The following ZNF385D variants were observed in gnomAD, a reference collection of about 807,000 sequenced individuals.
ZNF385D encodes zinc finger protein 659.
ZNF385D carries 15 observed loss-of-function variants against 35.8 expected under a neutral mutation model. That is an observed-to-expected ratio of 0.42 (90% CI 0.28 to 0.64). The LOEUF (loss-of-function observed/expected upper bound fraction) is 0.64. Among genes scored for constraint, ZNF385D ranks in the 30% least tolerant of loss-of-function variants. The pLI is 0.23. For missense variants in ZNF385D, 474 were observed against 494.6 expected (o/e 0.96, Z 0.39); for synonymous variants, 212 against 186.8 (o/e 1.13, Z -1.10).
At position 21,655,099 on chromosome 3, in the gene ZNF385D, G is replaced by C. The variant is rs145972377; in HGVS notation, c.165+9787C>G. 8.2e-3 allele frequency among the ~76,000 whole-genome samples: 1,242 copies of C among 151,776 alleles called. 18 individuals are homozygous for C. Among genetic ancestry groups the C allele is most frequent in the African/African-American group, 0.029 (1,208 of 41,344 alleles). The stretch of plus-strand genomic sequence containing the variant: ...CTTAAAGGGCAAAGAAATCACCTTG[G>C]GGAAGTGCAAAAAACAACAACAACA... On this transcript the variant is annotated intron_variant, in intron 2 of 7. Transcript: ENST00000281523.
intron 3 of ZNF385D, among the ~76,000 whole-genome samples, chr3:21,907,384 AT>A (rs1699734808): frequency 6.6e-6 from 1 of 152,140 alleles, no homozygotes; most frequent in Non-Finnish European, 1.5e-5. Context: ...ACCCTTCACA[AT>A]ATCTTTTTTT....
intron 2 of ZNF385D, among the ~76,000 whole-genome samples, chr3:22,307,284 A>G (rs939137658): frequency 3.9e-5 from 6 of 152,276 alleles, no homozygotes; most frequent in East Asian, 1.9e-4. Context: ...TAAGTCTGCA[A>G]TGATAGATTA....
chr3:22,129,990 CTGA>C (rs1703678480), intron 3 of ZNF385D, among the ~76,000 whole-genome samples: 1 of 152,106 alleles, frequency 6.6e-6, no homozygotes. Context: ...CTGGCTACTG[CTGA>C]TGTTTATTCA....
chr3:21,795,522 G>A (rs753942549), intron 3 of ZNF385D, among the ~76,000 whole-genome samples: 13 of 152,302 alleles, frequency 8.5e-5, no homozygotes, highest in East Asian at 5.8e-4. Context: ...TATGTCACCC[G>A]GGGAGAAAAC....
At chr3:21,762,946 C>T (rs757758263) in intron 3 of ZNF385D, among the ~76,000 whole-genome samples, 1 of 152,142 alleles carries the variant, frequency 6.6e-6, no homozygotes, top group Non-Finnish European at 1.5e-5. Context: ...CAGTGCTGAC[C>T]TAGAGCCCTC....
At chr3:22,316,733 T>A (rs537373167) in intron 2 of ZNF385D, among the ~76,000 whole-genome samples, 2 of 152,274 alleles carry the variant, frequency 1.3e-5, no homozygotes, top group East Asian at 3.9e-4. Context: ...AATTAAATAA[T>A]GTTTTGTCTA....
intron 2 of ZNF385D, among the ~76,000 whole-genome samples, chr3:22,213,177 G>A (rs556737503): frequency 2.6e-5 from 4 of 152,176 alleles, no homozygotes; most frequent in African/African-American, 4.8e-5. Context: ...TTATAATAAT[G>A]TCATAGTTTG....
intron 3 of ZNF385D, among the ~76,000 whole-genome samples, chr3:22,128,357 G>A (rs549919290): frequency 3.9e-5 from 6 of 151,964 alleles, no homozygotes; most frequent in South Asian, 4.2e-4. Flanking sequence ...ATTAAATTTC[G>A]TGAGGTACTC....
chr3:21,516,260 G>A (rs1243811579), intron 3 of ZNF385D, among the ~76,000 whole-genome samples: 3 of 152,142 alleles, frequency 2.0e-5, no homozygotes, highest in East Asian at 3.9e-4. Flanking sequence ...ACTGCAGTAC[G>A]ACGGTGTCAG....
In ZNF385D at chr3:22,029,106, C is replaced by T. The variant is rs561665256; in HGVS notation, c.325+139711G>A. On this transcript the variant is annotated intron_variant, in intron 3 of 5. Coordinates refer to the ZNF385D transcript ENST00000494108. ...GAGGTCTTAGTTCCAGAGGGAGGAA[C>T]GCTGCCACCAGGAGACACAACAATT... Among the ~76,000 whole-genome samples the T allele has an allele frequency of 9.9e-5, 15 of 152,186 alleles. No homozygotes were observed. In the South Asian group the frequency reaches 1.2e-3, roughly 13 times the overall value.
At chr3:21,754,801 A>G (rs569253160), upstream of ZNF385D, among the ~76,000 whole-genome samples, 35 of 152,308 alleles carry the variant, frequency 2.3e-4, no homozygotes, top group South Asian at 3.7e-3. Context: ...GTTCAATGCT[A>G]TATCTACAGT....
At chr3:22,081,199 A>T (rs995261984) in intron 3 of ZNF385D, among the ~76,000 whole-genome samples, 1 of 152,198 alleles carries the variant, frequency 6.6e-6, no homozygotes, top group African/African-American at 2.4e-5. Flanking sequence ...GTTAAATTAA[A>T]GCAACTTATT....
intron 1 of ZNF385D, among the ~76,000 whole-genome samples, chr3:21,712,848 G>A (rs1254389578): frequency 2.0e-5 from 3 of 152,118 alleles, no homozygotes; most frequent in South Asian, 4.2e-4. Context: ...TTTACTGTCA[G>A]TGAATTAATT....
intron 3 of ZNF385D, among the ~76,000 whole-genome samples, chr3:22,032,444 C>T (rs930553367): frequency 6.6e-6 from 1 of 152,180 alleles, no homozygotes; most frequent in Non-Finnish European, 1.5e-5. Flanking sequence ...ATCACTAGAA[C>T]AGCATGGAGG....
intron 3 of ZNF385D, among the ~76,000 whole-genome samples, chr3:21,955,601 CA>C (rs1559788688): frequency 2.9e-4 from 44 of 152,080 alleles, no homozygotes; most frequent in Non-Finnish European, 1.0e-4. Context: ...CCAAACCAAA[CA>C]AAAACTTGAA....
chr3:22,029,993 G>C (rs932446298), intron 3 of ZNF385D, among the ~76,000 whole-genome samples: 1 of 151,746 alleles, frequency 6.6e-6, no homozygotes, highest in African/African-American at 2.4e-5. Flanking sequence ...GGCTGGGGAA[G>C]GCAGACCCAC....
intron 4 of ZNF385D, among the ~76,000 whole-genome samples, chr3:21,477,998 A>G (rs2125366684): frequency 6.6e-6 from 1 of 152,266 alleles, no homozygotes; most frequent in Non-Finnish European, 1.5e-5. Flanking sequence ...ATCTTCAGGA[A>G]TGTGCATTAA....
intron 2 of ZNF385D, among the ~76,000 whole-genome samples, chr3:21,622,129 C>T (rs1231088093): frequency 6.6e-6 from 1 of 151,970 alleles, no homozygotes; most frequent in African/African-American, 2.4e-5. Context: ...CAAATTAAGA[C>T]TCTGATGCCA....
At chr3:21,667,255 G>T (rs989844310) in intron 1 of ZNF385D, among the ~76,000 whole-genome samples, 1 of 152,066 alleles carries the variant, frequency 6.6e-6, no homozygotes, top group African/African-American at 2.4e-5. Flanking sequence ...TCAACCTCCC[G>T]GGCTTAGCTG....
Sources: allele counts gnomAD v4.1 joint callset (sites outside exome capture counted in the v4.1 genomes callset), GRCh38; gene constraint gnomAD v4.1.1; transcripts MANE v1.5; gene names NCBI Gene and HGNC (gene_info 2026-07-23, HGNC 2026-07-21).